Variants in KCNQ1 observed in about 807,000 individuals in gnomAD.
The protein encoded by KCNQ1 is potassium voltage-gated channel subfamily Q member 1.
KCNQ1 carries 49 observed loss-of-function variants against 72.4 expected under a neutral mutation model. The ratio of observed to expected loss-of-function variants is 0.68; its 90% CI spans 0.54 to 0.86. The LOEUF is 0.86. KCNQ1 is among the 40% of genes least tolerant of loss of function. The pLI is 0.00. For synonymous variants in KCNQ1, 450 were observed against 412.6 expected, an observed-to-expected ratio of 1.09 and a Z score of -1.10; for missense variants, 790 against 945.1, an observed-to-expected ratio of 0.84 and a Z score of 2.15.
In KCNQ1 at chr11:2,612,001, T is replaced by C; in HGVS notation, c.1393+23147T>C. ...TTCTCAGTACTCTTATTAACACATA[T>C]GTTGTTACTCCTTAATTCCACATAT... is the stretch of plus-strand genomic sequence containing the variant. On this transcript the variant is annotated intron_variant, in intron 10 of 15. Coordinates refer to ENST00000155840, the MANE Select transcript of KCNQ1 (RefSeq NM_000218.3). The surrounding 1 kb of genome is among the most constrained non-coding windows in gnomAD (Gnocchi z 5.5). 2.5e-6 allele frequency: 1 copy of C among 398,668 alleles called. No individual in the cohort carries two copies. Among genetic ancestry groups the C allele is most frequent in the Non-Finnish European group, 4.4e-6 (1 of 226,062 alleles). 24.7% of individuals were successfully genotyped at this position (398,668 alleles called of 1,614,324 possible).
chr11:2,758,005 C>G (rs768867553), intron 11 of KCNQ1, among the ~76,000 whole-genome samples: 1 of 152,174 alleles, frequency 6.6e-6, no homozygotes, highest in Non-Finnish European at 1.5e-5. Context: ...TTAGGAAGGG[C>G]AAACAGTTCT....
rs931227369 is a variant in KCNQ1 at position 2,647,717 on chromosome 11, C to A, written c.1394-14244C>A. ...AGATTTTTTTTCTTCCTGGTTCAATCTTGGGAGGTTATATATGTCCAGGAA... is the reference window on the plus strand; with the variant it reads ...AGATTTTTTTTCTTCCTGGTTCAATATTGGGAGGTTATATATGTCCAGGAA... On this transcript the variant is annotated intron_variant, in intron 10 of 15. Coordinates refer to ENST00000155840, the MANE Select transcript of KCNQ1 (RefSeq NM_000218.3). This position sits in a 1 kb window ranked among gnomAD's most constrained non-coding sequence, Gnocchi z 4.0. 2.5e-6 allele frequency: 1 copy of A among 398,392 alleles called. No homozygotes were observed. Among genetic ancestry groups the A allele is most frequent in the East Asian group, 3.6e-5 (1 of 28,046 alleles). 24.7% of individuals were successfully genotyped at this position (398,392 alleles called of 1,614,324 possible).
At chr11:2,825,998 G>A (rs531914070) in intron 15 of KCNQ1, among the ~76,000 whole-genome samples, 1 of 152,122 alleles carries the variant, frequency 6.6e-6, no homozygotes, top group Non-Finnish European at 1.5e-5. Flanking sequence ...CCCTCTCCCC[G>A]AGGCCTCGTC....
At chr11:2,778,214 C>T (rs1312283047) in intron 15 of KCNQ1, among the ~76,000 whole-genome samples, 177 bp downstream of exon 15, 4 of 152,268 alleles carry the variant, frequency 2.6e-5, no homozygotes, top group East Asian at 1.9e-4. Context: ...GCCCACCTGG[C>T]GGGGCATTGG....
intron 11 of KCNQ1, among the ~76,000 whole-genome samples, chr11:2,700,611 C>G (rs550411178): frequency 6.6e-6 from 1 of 152,274 alleles, no homozygotes; most frequent in East Asian, 1.9e-4. Flanking sequence ...GCCCCCACTG[C>G]TGTGCCTGGA....
At chr11:2,847,033 G>A (rs1848344426) in intron 15 of KCNQ1, among the ~76,000 whole-genome samples, 1 of 152,206 alleles carries the variant, frequency 6.6e-6, no homozygotes, top group African/African-American at 2.4e-5. Flanking sequence ...ATGGTGTCTG[G>A]GAAAATAGTG....
intron 9 of KCNQ1, 111 bp downstream of exon 9, chr11:2,587,803 C>A: frequency 6.8e-7 from 1 of 1,468,282 alleles, no homozygotes; most frequent in Non-Finnish European, 9.5e-7. Context: ...TTGGTACAGC[C>A]TGTGTCAGGG....
At chr11:2,496,392 G>A (rs1217735178) in intron 1 of KCNQ1, among the ~76,000 whole-genome samples, 4 of 151,454 alleles carry the variant, frequency 2.6e-5, no homozygotes, top group African/African-American at 9.7e-5. Flanking sequence ...AGCCAAGATA[G>A]CGCCACTGCA....
At chr11:2,506,283 AC>A (rs1047583801) in intron 1 of KCNQ1, among the ~76,000 whole-genome samples, 31 of 152,296 alleles carry the variant, frequency 2.0e-4, no homozygotes, top group African/African-American at 7.2e-4. Flanking sequence ...CAGTTATCCC[AC>A]CATCATTTGT....
Position 2,663,969 on chromosome 11 carries a change from T to A in KCNQ1, c.1514+1888T>A. ...TGACAGGGCCTGAGAGACCTGAACA[T>A]CCATCCCCAAGCTCTCTGCCCACTT... On this transcript the variant is annotated intron_variant, in intron 11 of 15. Transcript: ENST00000155840. This position sits in a 1 kb window ranked among gnomAD's most constrained non-coding sequence, Gnocchi z 5.2. 2.5e-6 allele frequency: 1 copy of A among 398,702 alleles called. No individual in the cohort carries two copies. Among genetic ancestry groups the A allele is most frequent in the Non-Finnish European group, 4.4e-6 (1 of 226,118 alleles). The allele number at this position is 398,702 out of a possible 1,614,324, so 24.7% of individuals were successfully genotyped here.
rs1846289806 is a variant in KCNQ1, at chr11:2,462,265, C to G, written c.386+16781C>G. ...CCAGGCCTGCAAGGTAGACAGGCCT[C>G]TGGACTTGAGTGTGGCTGTGGACGA... On this transcript the variant is annotated intron_variant, in intron 1 of 15. Coordinates refer to ENST00000155840, the MANE Select transcript of KCNQ1 (RefSeq NM_000218.3). This position sits in a 1 kb window ranked among gnomAD's most constrained non-coding sequence, Gnocchi z 8.2. Among the ~76,000 whole-genome samples, 1 of 152,148 alleles carries G rather than the reference C, an allele frequency of 6.6e-6. No individual in the cohort carries two copies. The highest frequency in any genetic ancestry group is 2.4e-5 in the African/African-American group (1 of 41,424).
Position 2,486,697 on chromosome 11 carries a change from A to C in KCNQ1, c.386+41213A>C, listed in dbSNP as rs1846744873. Among the ~76,000 whole-genome samples, 1 of 152,220 alleles carries C rather than the reference A, an allele frequency of 6.6e-6. No individual in the cohort carries two copies. Among genetic ancestry groups the C allele is most frequent in the Non-Finnish European group, 1.5e-5 (1 of 68,036 alleles). On this transcript the variant is annotated intron_variant, in intron 1 of 15. Coordinates refer to ENST00000155840, the MANE Select transcript of KCNQ1 (RefSeq NM_000218.3). The surrounding 1 kb of genome is among the most constrained non-coding windows in gnomAD (Gnocchi z 5.0). ...TGGCGAGAGCCTCAGGAAGCTTCCA[A>C]TCACGGCAGAAGGTGAAGCGGGAGT... is the stretch of plus-strand genomic sequence containing the variant.
At position 2,624,561 on chromosome 11, in the gene KCNQ1, C is replaced by A. The variant is rs1006541022; in HGVS notation, c.1393+35707C>A. 2.5e-6 allele frequency: 1 copy of A among 398,278 alleles called. No homozygotes were observed. The highest frequency in any genetic ancestry group is 4.4e-6 in the Non-Finnish European group (1 of 225,996). The allele number at this position is 398,278 out of a possible 1,614,324, so 24.7% of individuals were successfully genotyped here. A position where few individuals can be genotyped will look rare whatever the true frequency, so the allele number is the denominator to read the frequency against. ...TTCTATTTGTTGTTGATTTCCAAATCTTTTATTGTGGCAAAATACACTTAA... is the reference window on the plus strand; with the variant it reads ...TTCTATTTGTTGTTGATTTCCAAATATTTTATTGTGGCAAAATACACTTAA... On this transcript the variant is annotated intron_variant, in intron 10 of 15. Transcript: ENST00000155840. The surrounding 1 kb of genome is among the most constrained non-coding windows in gnomAD (Gnocchi z 4.9).
rs768194088 is a variant in KCNQ1, at chr11:2,563,192, A to G, written c.478-7436A>G. Among the ~76,000 whole-genome samples, 7 of 152,102 alleles carry G rather than the reference A, an allele frequency of 4.6e-5. No homozygotes were observed. The highest frequency in any genetic ancestry group is 1.0e-4 in the Non-Finnish European group (7 of 68,020). On this transcript the variant is annotated intron_variant, in intron 2 of 15. Coordinates refer to ENST00000155840, the MANE Select transcript of KCNQ1 (RefSeq NM_000218.3). This position sits in a 1 kb window ranked among gnomAD's most constrained non-coding sequence, Gnocchi z 7.4. ...TTCAAAACACATTGAACCCCAGAAAATCTTCGCTATGTTGGAGATTCGCCG... is the reference window on the plus strand; with the variant it reads ...TTCAAAACACATTGAACCCCAGAAAGTCTTCGCTATGTTGGAGATTCGCCG...
chr11:2,536,526 CTG>C lies in KCNQ1; in HGVS notation c.477+8509_477+8510del, dbSNP rs1419004683. Among the ~76,000 whole-genome samples, 1 of 152,132 alleles carries C rather than the reference CTG, an allele frequency of 6.6e-6. No homozygotes were observed. The highest frequency in any genetic ancestry group is 1.5e-5 in the Non-Finnish European group (1 of 68,020). Reference sequence around the variant, plus strand: ...CATGCTGAGCCCTCCCAGCGAGACACTGAGGGTCGGGAGGGTAACATGTGATT... The same window carrying C: ...CATGCTGAGCCCTCCCAGCGAGACACAGGGTCGGGAGGGTAACATGTGATT... On this transcript the variant is annotated intron_variant, in intron 2 of 15. Transcript: ENST00000155840. The surrounding 1 kb of genome is among the most constrained non-coding windows in gnomAD (Gnocchi z 7.4).
Position 2,654,597 on chromosome 11 carries a change from G to A in KCNQ1, c.1394-7364G>A. 2 of 398,828 alleles carry A rather than the reference G, an allele frequency of 5.0e-6. No individual in the cohort carries two copies. The highest frequency in any genetic ancestry group is 2.5e-4 in the South Asian group (2 of 7,866). 24.7% of individuals were successfully genotyped at this position (398,828 alleles called of 1,614,324 possible). On this transcript the variant is annotated intron_variant, in intron 10 of 15. Coordinates refer to ENST00000155840, the MANE Select transcript of KCNQ1 (RefSeq NM_000218.3). This position sits in a 1 kb window ranked among gnomAD's most constrained non-coding sequence, Gnocchi z 6.4. Reference sequence around the variant, plus strand: ...TCAGGAGGGGAAGGGCAGGGGGTGAGTGGTTGGGTGAAGTTACTAGGAAGG... The same window carrying A: ...TCAGGAGGGGAAGGGCAGGGGGTGAATGGTTGGGTGAAGTTACTAGGAAGG...
rs1024746878 is a variant in KCNQ1, at chr11:2,785,927, C to T, written c.1794+7890C>T. Among the ~76,000 whole-genome samples the T allele has an allele frequency of 1.3e-5, 2 of 152,036 alleles. No homozygotes were observed. The highest frequency in any genetic ancestry group is 4.8e-5 in the African/African-American group (2 of 41,440). On this transcript the variant is annotated intron_variant, in intron 15 of 15. Coordinates refer to ENST00000155840, the MANE Select transcript of KCNQ1 (RefSeq NM_000218.3). The surrounding 1 kb of genome is among the most constrained non-coding windows in gnomAD (Gnocchi z 4.4). The stretch of plus-strand genomic sequence containing the variant: ...CACTTTAACTTCAATTATTCTCCCC[C>T]TGACTTAGTACTTTGCTGTTGTATA...
rs554104383 is a variant in KCNQ1, at chr11:2,751,478, C to G, written c.1515-17366C>G. ...ACCCCCAGGAAACCCTCTCTCCTGA[C>G]GCGGGGACTTGCGTCTCAGTGCAGA... On this transcript the variant is annotated intron_variant, in intron 11 of 15. Transcript: ENST00000155840. Among the ~76,000 whole-genome samples the G allele has an allele frequency of 2.0e-5, 3 of 152,376 alleles. No homozygotes were observed. The South Asian group carries it at 6.2e-4, about 32-fold the overall frequency.
At position 2,668,586 on chromosome 11, in the gene KCNQ1, C is replaced by T. The variant is rs746220878; in HGVS notation, c.1514+6505C>T. On this transcript the variant is annotated intron_variant, in intron 11 of 15. Transcript: ENST00000155840. This position sits in a 1 kb window ranked among gnomAD's most constrained non-coding sequence, Gnocchi z 4.3. ...TTCCATGTTATCATTTAGTCAGATA[C>T]ATCATTCTGTATAAATTGCCTACAT... 1.8e-5 allele frequency: 7 copies of T among 398,458 alleles called. No homozygotes were observed. Among genetic ancestry groups the T allele is most frequent in the Non-Finnish European group, 3.1e-5 (7 of 226,070 alleles). 24.7% of individuals were successfully genotyped at this position (398,458 alleles called of 1,614,324 possible).
Sources: gnomAD v4.1 joint callset for allele counts (sites outside exome capture counted in the v4.1 genomes callset) on GRCh38, gnomAD v4.1.1 for gene constraint, Gnocchi (gnomAD v3.1) non-coding constraint, MANE v1.5 for transcripts, NCBI Gene and HGNC (gene_info 2026-07-23, HGNC 2026-07-21) for gene names.